Variants in PCSK5 observed in about 807,000 individuals in gnomAD.
PCSK5 encodes proprotein convertase subtilisin/kexin type 5, also known as prohormone convertase 5.
A neutral mutation model predicts 233.2 loss-of-function variants in PCSK5; 129 were observed. That is an observed-to-expected ratio of 0.55 (90% CI 0.48 to 0.64). The LOEUF (loss-of-function observed/expected upper bound fraction) is 0.64. PCSK5 is among the 30% of genes least tolerant of loss of function. The probability of loss-of-function intolerance (pLI) is 0.00; values close to 1 mark genes in which losing one functional copy is unlikely to be tolerated. For synonymous variants in PCSK5, 825 were observed against 879.2 expected (o/e 0.94, Z 1.09); for missense variants, 2,076 against 2,430.1 (o/e 0.85, Z 3.06).
chr9:75,902,155 G>T (rs1826063574), intron 1 of PCSK5, among the ~76,000 whole-genome samples: 1 of 141,650 alleles, frequency 7.1e-6, no homozygotes, highest in African/African-American at 2.6e-5. Flanking sequence ...GGTGGAGGTT[G>T]CAGTGAGCCA....
intron 5 of PCSK5, among the ~76,000 whole-genome samples, chr9:76,030,088 T>A (rs1828591783): frequency 6.6e-6 from 1 of 151,680 alleles, no homozygotes; most frequent in Non-Finnish European, 1.5e-5. Flanking sequence ...TGTTAAAAGC[T>A]GGAAATAGCT....
At chr9:76,174,377 G>A (rs911037018) in intron 13 of PCSK5, among the ~76,000 whole-genome samples, 2 of 151,140 alleles carry the variant, frequency 1.3e-5, no homozygotes, top group Non-Finnish European at 1.5e-5. Flanking sequence ...CGTGATCTCC[G>A]CTCTCTGCAA....
intron 24 of PCSK5, among the ~76,000 whole-genome samples, chr9:76,242,770 T>C (rs2131332797): frequency 6.6e-6 from 1 of 152,362 alleles, no homozygotes; most frequent in Middle Eastern, 3.4e-3. Context: ...GTGTGTTGTG[T>C]GCCCATACTA....
chr9:75,963,763 C>T (rs1825457129), intron 2 of PCSK5, among the ~76,000 whole-genome samples: 1 of 152,202 alleles, frequency 6.6e-6, no homozygotes, highest in Non-Finnish European at 1.5e-5. Context: ...CCTGTAATCC[C>T]TGCTACTTGG....
rs1185538070 is a variant in PCSK5, at chr9:76,353,601, A to C, written c.5068-432A>C. 2.0e-5 allele frequency among the ~76,000 whole-genome samples: 3 copies of C among 152,374 alleles called. No individual in the cohort carries two copies. In the East Asian group the frequency reaches 5.8e-4, roughly 29 times the overall value. Reference sequence around the variant, plus strand: ...TGGGAGTGATGAATCCAGTGTTGACAGGTCTTCTAGTTTCTAAAGAGAAAT... The same window carrying C: ...TGGGAGTGATGAATCCAGTGTTGACCGGTCTTCTAGTTTCTAAAGAGAAAT... On this transcript the variant is annotated intron_variant, in intron 36 of 37. Transcript: ENST00000674117.
intron 7 of PCSK5, 52 bp downstream of exon 7, chr9:76,071,950 CAT>C (rs763119907): frequency 1.3e-6 from 2 of 1,510,250 alleles, no homozygotes; most frequent in Non-Finnish European, 1.8e-6. Flanking sequence ...TGATGATTCT[CAT>C]ATGAAGAATC....
chr9:76,017,413 C>G (rs1827994810), intron 3 of PCSK5, among the ~76,000 whole-genome samples: 1 of 152,172 alleles, frequency 6.6e-6, no homozygotes, highest in Non-Finnish European at 1.5e-5. Context: ...TATATAGGTG[C>G]TGCCATCAAC....
At chr9:76,100,281 T>C (rs956807127) in intron 8 of PCSK5, among the ~76,000 whole-genome samples, 1 of 152,258 alleles carries the variant, frequency 6.6e-6, no homozygotes, top group Non-Finnish European at 1.5e-5. Context: ...TAAAGTTGTA[T>C]AACGAAAGAA....
At chr9:76,218,064 G>T (rs1224625654) in intron 20 of PCSK5, among the ~76,000 whole-genome samples, 3 of 152,180 alleles carry the variant, frequency 2.0e-5, no homozygotes, top group Non-Finnish European at 4.4e-5. Flanking sequence ...CAAGTGCAGT[G>T]AGCAGTCCAT....
intron 24 of PCSK5, among the ~76,000 whole-genome samples, chr9:76,258,549 C>G (rs193204284): frequency 5.3e-5 from 8 of 152,298 alleles, no homozygotes; most frequent in Non-Finnish European, 1.2e-4. Context: ...CTGGCTTCAA[C>G]TTAGAAATCT....
At chr9:75,933,845 C>T (rs1171771217) in intron 2 of PCSK5, among the ~76,000 whole-genome samples, 2 of 152,198 alleles carry the variant, frequency 1.3e-5, no homozygotes, top group Non-Finnish European at 2.9e-5. Context: ...TATTTTTCAT[C>T]TCAAACTTTT....
chr9:75,905,071 C>T (rs1490850847), intron 1 of PCSK5, among the ~76,000 whole-genome samples: 6 of 152,174 alleles, frequency 3.9e-5, no homozygotes, highest in Admixed American at 1.3e-4. Context: ...TTGTATCATT[C>T]TGTTTATATA....
intron 5 of PCSK5, among the ~76,000 whole-genome samples, chr9:76,057,437 G>T (rs1397977368): frequency 6.6e-6 from 1 of 152,048 alleles, no homozygotes; most frequent in African/African-American, 2.4e-5. Context: ...GGGCTAGGGT[G>T]ATTTAAATGT....
chr9:76,230,810 C>T (rs761109562), intron 21 of PCSK5, among the ~76,000 whole-genome samples: 20 of 151,958 alleles, frequency 1.3e-4, no homozygotes, highest in Non-Finnish European at 2.8e-4. Context: ...CACTGCCTCC[C>T]GTCATCCCCA....
intron 7 of PCSK5, among the ~76,000 whole-genome samples, chr9:76,079,146 T>A (rs912278996): frequency 6.6e-6 from 1 of 151,738 alleles, no homozygotes; most frequent in African/African-American, 2.4e-5. Flanking sequence ...GTCACCCAGG[T>A]TGGAGTGCAG....
intron 10 of PCSK5, among the ~76,000 whole-genome samples, chr9:76,144,473 C>T (rs569086917): frequency 6.6e-6 from 1 of 152,300 alleles, no homozygotes; most frequent in Non-Finnish European, 1.5e-5. Context: ...AGCTGCCACA[C>T]CTGGTTGCAT....
Position 76,149,137 on chromosome 9 carries a change from G to A in PCSK5, c.1313-7908G>A, listed in dbSNP as rs568105127. On this transcript the variant is annotated intron_variant, in intron 10 of 37. Coordinates refer to ENST00000674117, the MANE Select transcript of PCSK5 (RefSeq NM_001372043.1). ...TCCATTAAGCTTAAAAATCATTTGA[G>A]TTTTATGAAAATAAAAGGGAATGCT... is the stretch of plus-strand genomic sequence containing the variant. 6.0e-4 allele frequency among the ~76,000 whole-genome samples: 91 copies of A among 152,250 alleles called. 2 individuals carry two copies. The highest frequency in any genetic ancestry group is 2.1e-3 in the African/African-American group (87 of 41,520).
intron 7 of PCSK5, among the ~76,000 whole-genome samples, chr9:76,087,775 C>G (rs1831123825): frequency 6.6e-6 from 1 of 152,106 alleles, no homozygotes; most frequent in Non-Finnish European, 1.5e-5. Context: ...GTTTAGTGAC[C>G]TATTGTGTGC....
intron 22 of PCSK5, among the ~76,000 whole-genome samples, chr9:76,238,608 A>C (rs1183051640): frequency 6.6e-6 from 1 of 152,234 alleles, no homozygotes; most frequent in African/African-American, 2.4e-5. Flanking sequence ...GAGAGCTTTC[A>C]CAGATACCAA....
Sources: gnomAD v4.1 joint callset for allele counts (sites outside exome capture counted in the v4.1 genomes callset) on GRCh38, gnomAD v4.1.1 for gene constraint, MANE v1.5 for transcripts, NCBI Gene and HGNC (gene_info 2026-07-23, HGNC 2026-07-21) for gene names.